Variants in TTN observed in about 807,000 individuals in gnomAD.
The protein encoded by TTN is titin, also known as connectin.
TTN carries 1,525 observed loss-of-function variants against 3,223.0 expected under a neutral mutation model. The ratio of observed to expected loss-of-function variants is 0.47; its 90% CI spans 0.45 to 0.49. The LOEUF is 0.49. TTN is among the 20% of genes least tolerant of loss of function. TTN has a pLI of 0.00. For missense variants in TTN, 40,786 were observed against 43,424.0 expected, an observed-to-expected ratio of 0.94 and a Z score of 5.40; for synonymous variants, 14,094 against 15,161.0, an observed-to-expected ratio of 0.93 and a Z score of 5.17.
At position 178,757,887 on chromosome 2, in the gene TTN, T is replaced by G. The variant is rs749860613; in HGVS notation, c.10333A>C (p.Asn3445His). 2 of 1,524,568 alleles carry G rather than the reference T, an allele frequency of 1.3e-6. No homozygotes were observed. Among genetic ancestry groups the G allele is most frequent in the Non-Finnish European group, 1.8e-6 (2 of 1,138,648 alleles). The allele number at this position is 1,524,568 out of a possible 1,614,324, so 94.4% of individuals were successfully genotyped here. A position where few individuals can be genotyped will look rare whatever the true frequency, so the allele number is the denominator to read the frequency against. The change falls in exon 45 of 363, where the codon AAC becomes CAC. Residue 3445 changes from asparagine to histidine, a missense_variant. By Grantham distance (68) the Asn-to-His change is moderately conservative. Coordinates refer to ENST00000589042, the MANE Select transcript of TTN (RefSeq NM_001267550.2). ...GATAAAGAGACATGCCATTGGGAGTTTGATGTATTTTCTTCAAATTTGCTA... is the reference window on the plus strand; with the variant it reads ...GATAAAGAGACATGCCATTGGGAGTGTGATGTATTTTCTTCAAATTTGCTA... ...GFSKFEENTS[N>H]SQWHVSLSVS...
chr2:178,624,923 A>C (rs2154215302), intron 241 of TTN, among the ~76,000 whole-genome samples, 192 bp from the exon 242 acceptor site: 1 of 152,082 alleles, frequency 6.6e-6, no homozygotes, highest in Admixed American at 6.6e-5. Flanking sequence ...GAGGAAAATC[A>C]TTTTTAAAAA....
rs1443788171 is a variant in TTN, at chr2:178,602,008, T to C, written c.55263A>G (p.Ala18421=). ...SWEFDGKAKK[A]MKDGVHDIPE... is the part of the protein sequence containing the mutation. Reference sequence around the variant, plus strand: ...AGAATGGTTATTTTCCTACCTTCATTGCTTTCTTTGCCTTTCCATCAAATT... The same window carrying C: ...AGAATGGTTATTTTCCTACCTTCATCGCTTTCTTTGCCTTTCCATCAAATT... The change falls in exon 284 of 363, where the codon GCA becomes GCG. Residue 18421 remains alanine, a synonymous_variant. Transcript: ENST00000589042. 6.2e-7 allele frequency: 1 copy of C among 1,612,784 alleles called. No homozygotes were observed. Among genetic ancestry groups the C allele is most frequent in the South Asian group, 1.1e-5 (1 of 91,014 alleles).
intron 47 of TTN, chr2:178,749,684 G>T (rs72647901): frequency 6.2e-7 from 1 of 1,612,724 alleles, no homozygotes; most frequent in Non-Finnish European, 8.5e-7. Flanking sequence ...ACTTTCAACT[G>T]CCCCTGAATT....
At position 178,773,837 on chromosome 2, in the gene TTN, C is replaced by G; in HGVS notation, c.7330+1G>C. The G allele has an allele frequency of 6.2e-7, 1 of 1,614,082 alleles. No homozygotes were observed. Among genetic ancestry groups the G allele is most frequent in the Non-Finnish European group, 8.5e-7 (1 of 1,179,992 alleles). On this transcript the variant is annotated splice_donor_variant, in intron 31 of 362. Coordinates refer to ENST00000589042, the MANE Select transcript of TTN (RefSeq NM_001267550.2). LOFTEE classifies it high-confidence loss of function. Reference sequence around the variant, plus strand: ...CATAAAATTTTATAATTAGGACTCACTATAGACAGAGACACGCCCACTGGT... The same window carrying G: ...CATAAAATTTTATAATTAGGACTCAGTATAGACAGAGACACGCCCACTGGT...
rs780958039 is a variant in TTN at position 178,561,972 on chromosome 2, C to G, written c.84160G>C (p.Asp28054His). ...ATAGGACCTGGAGGTCCTGGTCTGT[C>G]AAGGACAATTATAGTAATAGGAACT... ...ITVPITIIVL[D>H]RPGPPGPIRI... The change falls in exon 326 of 363, where the codon GAC (aspartate) becomes CAC (histidine). Residue 28054 changes from aspartate (D) to histidine (H), a missense_variant. Coordinates refer to ENST00000589042, the MANE Select transcript of TTN (RefSeq NM_001267550.2). The G allele has an allele frequency of 9.9e-6, 16 of 1,613,164 alleles. No individual in the cohort carries two copies. The Admixed American group carries it at 1.0e-4, about 10-fold the overall frequency.
chr2:178,610,938 A>T, intron 270 of TTN, 55 bp downstream of exon 270: 2 of 1,596,724 alleles, frequency 1.3e-6, no homozygotes, highest in Non-Finnish European at 8.5e-7. Flanking sequence ...CTGCAAAGTT[A>T]ACTAATTTCC....
chr2:178,595,838 T>C (rs2051421479), intron 294 of TTN, 29 bp from the exon 295 acceptor site: 3 of 1,552,996 alleles, frequency 1.9e-6, no homozygotes, highest in Non-Finnish European at 2.6e-6. Context: ...TAATTCAAGC[T>C]GTTTGCCTTC....
In TTN at chr2:178,595,742, T is replaced by A. The variant is rs762560444; in HGVS notation, c.57612A>T (p.Thr19204=). 6.2e-7 allele frequency: 1 copy of A among 1,609,662 alleles called. No individual in the cohort carries two copies. Among genetic ancestry groups the A allele is most frequent in the Non-Finnish European group, 8.5e-7 (1 of 1,178,118 alleles). The change falls in exon 295 of 363, where the codon ACA becomes ACT. Residue 19204 remains threonine (T), a synonymous_variant. Coordinates refer to ENST00000589042, the MANE Select transcript of TTN (RefSeq NM_001267550.2). ...CTCCATCATCTTCTGGAGAAAACCA[T>A]GTCAGTTTGCAGGACTCATTGGTTA... The part of the protein sequence containing the change: ...HNLTNESCKL[T]WFSPEDDGGS...
Position 178,559,842 on chromosome 2 carries a change from A to C in TTN, c.86290T>G (p.Leu28764Val). 6.2e-7 allele frequency: 1 copy of C among 1,611,158 alleles called. No individual in the cohort carries two copies. The highest frequency in any genetic ancestry group is 8.5e-7 in the Non-Finnish European group (1 of 1,179,662). The stretch of plus-strand genomic sequence containing the variant: ...AATGAGGCACCAGCCTTGACAATCA[A>C]GGTCTTCCTCATTTCACTGTCAATA... ...FDIDSEMRKTLIVKAGASFTM... is the reference protein window; with the variant it reads ...FDIDSEMRKTVIVKAGASFTM... The change falls in exon 326 of 363, where the codon TTG becomes GTG. Residue 28764 changes from leucine to valine, a missense_variant. Physicochemically the swap from Leu to Val is conservative, Grantham distance 32. Transcript: ENST00000589042.
intron 120 of TTN, 123 bp from the exon 121 acceptor site, chr2:178,692,222 C>G: frequency 1.0e-6 from 1 of 953,564 alleles, no homozygotes; most frequent in Admixed American, 2.3e-5. Context: ...TTTAAATATG[C>G]CTACTTGTGG....
intron 236 of TTN, among the ~76,000 whole-genome samples, chr2:178,631,690 T>C (rs1413097058): frequency 6.6e-6 from 1 of 152,110 alleles, no homozygotes; most frequent in East Asian, 1.9e-4. Context: ...ATTAATAGTT[T>C]GCCTTTAATC....
intron 11 of TTN, 57 bp downstream of exon 11, chr2:178,790,651 G>C: frequency 1.2e-6 from 2 of 1,612,638 alleles, no homozygotes; most frequent in Non-Finnish European, 1.7e-6. Context: ...GAAAATGTAG[G>C]TGATTTGCAA....
rs6705594 is a variant in TTN at position 178,759,212 on chromosome 2, T to C, written c.10115-40A>G. On this transcript the variant is annotated intron_variant, in intron 43 of 362. Coordinates refer to ENST00000589042, the MANE Select transcript of TTN (RefSeq NM_001267550.2). ...AAAAGAGATACTTCAACCACAAAAATGAGTGGATTTTTACAATTTACCTGC... is the reference window on the plus strand; with the variant it reads ...AAAAGAGATACTTCAACCACAAAAACGAGTGGATTTTTACAATTTACCTGC... 1,609,612 of 1,610,074 alleles carry C rather than the reference T, an allele frequency of 1. 804,575 individuals are homozygous for C. Among genetic ancestry groups the C allele is most frequent in the Middle Eastern group, 1 (6,052 of 6,052 alleles).
Position 178,560,174 on chromosome 2 carries a change from G to A in TTN, c.85958C>T (p.Ser28653Phe), listed in dbSNP as rs1703124893. The change falls in exon 326 of 363, where the codon TCT becomes TTT. Residue 28653 changes from serine to phenylalanine, a missense_variant. Ser to Phe is a radical substitution (Grantham distance 155). Coordinates refer to ENST00000589042, the MANE Select transcript of TTN (RefSeq NM_001267550.2). ...IRAEDPVFLP[S>F]PPSKPKIVDS... Reference sequence around the variant, plus strand: ...CACAATTTTGGGTTTGGATGGAGGAGATGGTAGGAACACTGGATCTTCTGC... The same window carrying A: ...CACAATTTTGGGTTTGGATGGAGGAAATGGTAGGAACACTGGATCTTCTGC... 1 of 1,613,650 alleles carries A rather than the reference G, an allele frequency of 6.2e-7. No individual in the cohort carries two copies. The highest frequency in any genetic ancestry group is 1.7e-5 in the Admixed American group (1 of 59,990).
chr2:178,569,299 T>A lies in TTN; in HGVS notation c.76833A>T (p.Thr25611=), dbSNP rs1040052660. 1.2e-6 allele frequency: 2 copies of A among 1,611,444 alleles called. No individual in the cohort carries two copies. The highest frequency in any genetic ancestry group is 2.7e-5 in the African/African-American group (2 of 74,800). Residue 25611 remains threonine, a synonymous_variant, in exon 326 of 363, where the codon ACA becomes ACT. Transcript: ENST00000589042. ...TPSPPVNLKV[T]EITKDSVSIT... ...TTGATACTGAGTCTTTGGTGATTTC[T>A]GTGACTTTCAGGTTAACAGGTGGAC...
chr2:178,789,614 G>T, intron 12 of TTN, 117 bp from the exon 13 acceptor site: 1 of 1,361,062 alleles, frequency 7.3e-7, no homozygotes, highest in Non-Finnish European at 1.0e-6. Flanking sequence ...AAATACACAA[G>T]AGAAATAAAC....
chr2:178,571,112 C>G lies in TTN; in HGVS notation c.75020G>C (p.Cys25007Ser). The change falls in exon 326 of 363, where the codon TGT becomes TCT. Residue 25007 changes from cysteine (C) to serine (S), a missense_variant. Coordinates refer to ENST00000589042, the MANE Select transcript of TTN (RefSeq NM_001267550.2). ...TGCCTCTGGCCGTCCTGGTGGATCA[C>G]ATGGGTCACGAGCCACATAACATTC... Reference protein sequence around the residue: ...VSECYVARDPCDPPGRPEAII... With the variant: ...VSECYVARDPSDPPGRPEAII... 1 of 1,613,490 alleles carries G rather than the reference C, an allele frequency of 6.2e-7. No homozygotes were observed. Among genetic ancestry groups the G allele is most frequent in the Non-Finnish European group, 8.5e-7 (1 of 1,179,600 alleles).
At position 178,672,005 on chromosome 2, in the gene TTN, C is replaced by T. The variant is rs1303996939; in HGVS notation, c.35193G>A (p.Val11731=). ...GAGCTTTTGGTTTTTCAAATACTTC[C>T]ACTTCTTCAGCCTCAAAAACTTCTA... ...RVIEVFEAEE[V]EVFEKPKAPP... is the part of the protein sequence containing the mutation. Residue 11731 remains valine (V), a synonymous_variant, in exon 155 of 363, where the codon GTG becomes GTA. Coordinates refer to ENST00000589042, the MANE Select transcript of TTN (RefSeq NM_001267550.2). 2 of 1,606,172 alleles carry T rather than the reference C, an allele frequency of 1.2e-6. No homozygotes were observed. The highest frequency in any genetic ancestry group is 1.7e-6 in the Non-Finnish European group (2 of 1,177,670).
chr2:178,626,849 T>A (rs2059127507), intron 240 of TTN, among the ~76,000 whole-genome samples: 1 of 151,950 alleles, frequency 6.6e-6, no homozygotes, highest in Admixed American at 6.6e-5. Context: ...TTTTATCTAT[T>A]AATATTATGT....
Sources: gnomAD v4.1 joint callset for allele counts (sites outside exome capture counted in the v4.1 genomes callset) on GRCh38, gnomAD v4.1.1 for gene constraint, MANE v1.5 for transcripts, NCBI Gene and HGNC (gene_info 2026-07-23, HGNC 2026-07-21) for gene names.